The following REV3L variants were observed in gnomAD, a reference collection of about 807,000 sequenced individuals.
The protein encoded by REV3L is DNA polymerase zeta catalytic subunit.
In REV3L, 69 loss-of-function variants were observed where a neutral mutation model predicts 299.4. The ratio of observed to expected loss-of-function variants is 0.23; its 90% confidence interval spans 0.19 to 0.28. The LOEUF (loss-of-function observed/expected upper bound fraction) is 0.28, where lower values mean the gene tolerates loss of function less well. Among genes scored for constraint, REV3L ranks in the 10% least tolerant of loss-of-function variants. REV3L has a pLI of 1.00. For missense variants in REV3L, 3,128 were observed against 3,693.8 expected, an observed-to-expected ratio of 0.85 and a Z score of 3.97; for synonymous variants, 1,238 against 1,271.4, an observed-to-expected ratio of 0.97 and a Z score of 0.56.
chr6:111,310,072 A>T lies in REV3L; in HGVS notation c.8823T>A (p.Ser2941=). The change falls in exon 30 of 32, where the codon TCT becomes TCA. Residue 2941 remains serine (S), a synonymous_variant. Coordinates refer to ENST00000368802, the MANE Select transcript of REV3L (RefSeq NM_001372078.1). Reference sequence around the variant, plus strand: ...GCACTCGCTCCCCAACCTGAGGCTCAGAGCGCCGGTCATAAGTCAGCATTT... The same window carrying T: ...GCACTCGCTCCCCAACCTGAGGCTCTGAGCGCCGGTCATAAGTCAGCATTT... The part of the protein sequence containing the change: ...TRKMLTYDRR[S]EPQVGERVPY... 1 of 1,584,950 alleles carries T rather than the reference A, an allele frequency of 6.3e-7. No homozygotes were observed. Among genetic ancestry groups the T allele is most frequent in the Non-Finnish European group, 8.6e-7 (1 of 1,164,670 alleles).
In REV3L at chr6:111,375,117, G is replaced by A. The variant is rs749366823; in HGVS notation, c.3238C>T (p.Arg1080Trp). ...IKRTLSFRKK[R>W]SHAILSPPSP... ...GGAGGAGAAAGAATAGCATGTGACCGTTTTTTCCTGAAAGACAAAGTTCTT... is the reference window on the plus strand; with the variant it reads ...GGAGGAGAAAGAATAGCATGTGACCATTTTTTCCTGAAAGACAAAGTTCTT... Residue 1080 changes from arginine to tryptophan, a missense_variant, in exon 13 of 32, where the codon CGG becomes TGG. By Grantham distance (101) the Arg-to-Trp change is moderately radical. Transcript: ENST00000368802. 9.3e-6 allele frequency: 15 copies of A among 1,609,464 alleles called. No individual in the cohort carries two copies. Among genetic ancestry groups the A allele is most frequent in the Admixed American group, 1.7e-5 (1 of 59,070 alleles).
In REV3L at chr6:111,366,220, C is replaced by T. The variant is rs530826415; in HGVS notation, c.6674-876G>A. 5.3e-5 allele frequency among the ~76,000 whole-genome samples: 8 copies of T among 152,068 alleles called. No homozygotes were observed. The South Asian group carries it at 1.0e-3, about 20-fold the overall frequency. ...TTGGGGAAGTGGTGGTGAATGTATG[C>T]GGTGAGATCATGAATTGGTTTTTAA... On this transcript the variant is annotated intron_variant, in intron 14 of 31. Transcript: ENST00000368802.
intron 1 of REV3L, among the ~76,000 whole-genome samples, chr6:111,470,035 A>C (rs1407995215): frequency 1.3e-5 from 2 of 152,216 alleles, no homozygotes; most frequent in Non-Finnish European, 2.9e-5. Context: ...TTTATATCAG[A>C]TTGATATTAA....
At chr6:111,334,597 G>T (rs1342842751) in intron 22 of REV3L, among the ~76,000 whole-genome samples, 1 of 152,040 alleles carries the variant, frequency 6.6e-6, no homozygotes, top group Non-Finnish European at 1.5e-5. Context: ...AAGGCTTGGG[G>T]TATTAGAAAA....
rs2128251545 is a variant in REV3L at position 111,387,868 on chromosome 6, G to T, written c.993C>A (p.Phe331Leu). ...CAGAGTGCAATGTTAACTCAGCAGA[G>T]AACTCCTGGGATCCATCGCTGTAGT... ...SVDYSDGSQE[F>L]SAELTLHSEV... Residue 331 changes from phenylalanine to leucine, a missense_variant, in exon 9 of 32, where the codon TTC (phenylalanine) becomes TTA (leucine). This residue lies in a region of REV3L where 2,409 missense variants were observed against 2,611.8 expected (regional missense o/e 0.92). Transcript: ENST00000368802. 3 of 1,613,852 alleles carry T rather than the reference G, an allele frequency of 1.9e-6. No homozygotes were observed. In the East Asian group the frequency reaches 6.7e-5, roughly 36 times the overall value.
chr6:111,375,622 T>G lies in REV3L; in HGVS notation c.2733A>C (p.Gly911=). The G allele has an allele frequency of 6.2e-7, 1 of 1,613,806 alleles. No homozygotes were observed. Among genetic ancestry groups the G allele is most frequent in the East Asian group, 2.2e-5 (1 of 44,870 alleles). Residue 911 remains glycine (G), a synonymous_variant, in exon 13 of 32, where the codon GGA becomes GGC. Transcript: ENST00000368802. ...TAAGTGTGTATTTATTTCCATATAG[T>G]CCAAAGGACTGCTCAGTTTCTAACG... ...DGTLETEQSF[G]LYGNKYTLRA... is the part of the protein sequence containing the mutation.
At chr6:111,419,842 T>C (rs1227915915) in intron 1 of REV3L, among the ~76,000 whole-genome samples, 1 of 152,200 alleles carries the variant, frequency 6.6e-6, no homozygotes, top group African/African-American at 2.4e-5. Context: ...TAAATGATTT[T>C]GGATTCTCTT....
intron 30 of REV3L, 82 bp downstream of exon 30, chr6:111,309,771 C>T: frequency 6.8e-7 from 1 of 1,472,776 alleles, no homozygotes; most frequent in Non-Finnish European, 9.2e-7. Context: ...ATATCAATAG[C>T]ACATAAAACC....
chr6:111,313,479 G>A lies in REV3L; in HGVS notation c.8477C>T (p.Pro2826Leu). The A allele has an allele frequency of 6.2e-7, 1 of 1,605,156 alleles. No homozygotes were observed. The highest frequency in any genetic ancestry group is 8.5e-7 in the Non-Finnish European group (1 of 1,176,628). ...VKLKFEKVYL[P>L]CVLQTKKRYV... ...CCTCTTTTTTGTTTGTAAAACACAG[G>A]GCAAATATACCTGTGGTAAAATTAA... Residue 2826 changes from proline (P) to leucine (L), a missense_variant, in exon 28 of 32, where the codon CCC (proline) becomes CTC (leucine). Physicochemically the swap from Pro to Leu is moderately conservative, Grantham distance 98 (BLOSUM62 -3). This residue lies in a region of REV3L where 294 missense variants were observed against 377.0 expected (regional missense o/e 0.78). Transcript: ENST00000368802.
intron 9 of REV3L, among the ~76,000 whole-genome samples, chr6:111,383,697 C>T (rs1157766924): frequency 6.6e-6 from 1 of 152,008 alleles, no homozygotes; most frequent in Admixed American, 6.6e-5. Flanking sequence ...GAGCAATCTA[C>T]AGATTCAATG....
chr6:111,422,478 T>G (rs976665671), intron 1 of REV3L, among the ~76,000 whole-genome samples: 1 of 150,546 alleles, frequency 6.6e-6, no homozygotes, highest in East Asian at 1.9e-4. Flanking sequence ...GATGTCTTTA[T>G]AGTCAGATGA....
In REV3L at chr6:111,375,090, A is replaced by T. The variant is rs1343447781; in HGVS notation, c.3265T>A (p.Ser1089Thr). The change falls in exon 13 of 32, where the codon TCA (serine) becomes ACA (threonine). Residue 1089 changes from serine to threonine, a missense_variant. Around this residue, in one of 9 missense-constraint regions of REV3L, gnomAD observed 2,409 missense variants for 2,611.8 expected, o/e 0.92. Coordinates refer to ENST00000368802, the MANE Select transcript of REV3L (RefSeq NM_001372078.1). ...KRSHAILSPP[S>T]PSYNAETEDC... ...TCGGTTTCAGCATTGTAAGATGGTGAGGGAGGAGAAAGAATAGCATGTGAC... is the reference window on the plus strand; with the variant it reads ...TCGGTTTCAGCATTGTAAGATGGTGTGGGAGGAGAAAGAATAGCATGTGAC... 1 of 1,613,864 alleles carries T rather than the reference A, an allele frequency of 6.2e-7. No individual in the cohort carries two copies. The highest frequency in any genetic ancestry group is 1.6e-4 in the Middle Eastern group (1 of 6,062).
In REV3L at chr6:111,374,879, G is replaced by C. The variant is rs759231965; in HGVS notation, c.3476C>G (p.Thr1159Ser). ...AGTTTTTCCTATACGAGAATTAACA[G>C]TCTTCTTATATACATTAGGACCCTT... is the stretch of plus-strand genomic sequence containing the variant. ...LFKGPNVYKK[T>S]VNSRIGKTSR... is the part of the protein sequence containing the mutation. The change falls in exon 13 of 32, where the codon ACT (threonine) becomes AGT (serine). Residue 1159 changes from threonine to serine, a missense_variant. Transcript: ENST00000368802. 8 of 1,613,754 alleles carry C rather than the reference G, an allele frequency of 5.0e-6. No individual in the cohort carries two copies. The highest frequency in any genetic ancestry group is 1.7e-6 in the Non-Finnish European group (2 of 1,179,876).
intron 1 of REV3L, among the ~76,000 whole-genome samples, chr6:111,450,493 A>AAC (rs1789387054): frequency 1.3e-5 from 2 of 150,578 alleles, no homozygotes; most frequent in African/African-American, 2.4e-5. Context: ...AAAAAAAAAA[A>AAC]AAAAAAAAAA....
chr6:111,308,171 A>C (rs1378040683), intron 30 of REV3L: 4 of 408,654 alleles, frequency 9.8e-6, no homozygotes, highest in African/African-American at 4.2e-5. Flanking sequence ...ACATTTTCTT[A>C]ATCCAGTCTA....
At chr6:111,390,455 ACGTTT>A (rs1215522610) in intron 5 of REV3L, among the ~76,000 whole-genome samples, 1 of 152,210 alleles carries the variant, frequency 6.6e-6, no homozygotes, top group Non-Finnish European at 1.5e-5. Flanking sequence ...GGAATATAAA[ACGTTT>A]TAGCATATGG....
At chr6:111,440,260 G>A (rs571871381) in intron 1 of REV3L, among the ~76,000 whole-genome samples, 5 of 152,186 alleles carry the variant, frequency 3.3e-5, no homozygotes, top group African/African-American at 1.2e-4. Context: ...GTAGAGACGG[G>A]GTTTCTCCAT....
At chr6:111,402,445 C>T (rs1783185580) in intron 4 of REV3L, among the ~76,000 whole-genome samples, 1 of 152,164 alleles carries the variant, frequency 6.6e-6, no homozygotes, top group Admixed American at 6.5e-5. Context: ...CTTAATTTTC[C>T]AAGATTAGTA....
chr6:111,367,157 C>T lies in REV3L; in HGVS notation c.6631G>A (p.Glu2211Lys). 1.2e-6 allele frequency: 2 copies of T among 1,607,822 alleles called. No individual in the cohort carries two copies. Among genetic ancestry groups the T allele is most frequent in the Non-Finnish European group, 1.7e-6 (2 of 1,178,090 alleles). Residue 2211 changes from glutamate to lysine, a missense_variant, in exon 14 of 32, where the codon GAA becomes AAA. Transcript: ENST00000368802. ...AGGCCAGGTGCTTCAGGAAGCCTTT[C>T]CAGAAGTTTTCTCTGTATGATTGGT... ...STPIIQRKLL[E>K]RLPEAPGLSP...
Sources: allele counts gnomAD v4.1 joint callset (sites outside exome capture counted in the v4.1 genomes callset), GRCh38; gene constraint gnomAD v4.1.1; regional missense constraint gnomAD v4.1.1; transcripts MANE v1.5; gene names NCBI Gene and HGNC (gene_info 2026-07-23, HGNC 2026-07-21).